RBFOX1: variants seen among roughly 807,000 people sequenced by gnomAD.
RBFOX1 encodes the protein RNA binding fox-1 homolog 1.
RBFOX1 carries 8 observed loss-of-function variants against 57.7 expected under a neutral mutation model. The observed-to-expected ratio is 0.14, with a 90% confidence interval of 0.08 to 0.25. The LOEUF is 0.25. Among genes scored for constraint, RBFOX1 ranks in the 10% least tolerant of loss-of-function variants. RBFOX1 has a pLI of 1.00. For synonymous variants in RBFOX1, 326 were observed against 222.4 expected (o/e 1.47, Z -4.15); for missense variants, 611 against 548.5 (o/e 1.11, Z -1.14).
rs138517936 is a variant in RBFOX1 at position 7,495,397 on chromosome 16, G to C, written c.28-22750G>C. ...AAGTTCTTTGAGAAATACTCAAACAGCTTTCCACAGTGGCTGAACTAATTT... is the reference window on the plus strand; with the variant it reads ...AAGTTCTTTGAGAAATACTCAAACACCTTTCCACAGTGGCTGAACTAATTT... On this transcript the variant is annotated intron_variant, in intron 4 of 15. Coordinates refer to ENST00000550418, the MANE Select transcript of RBFOX1 (RefSeq NM_018723.4). 7.0e-3 allele frequency among the ~76,000 whole-genome samples: 1,062 copies of C among 152,330 alleles called. 18 individuals are homozygous for C. The highest frequency in any genetic ancestry group is 0.025 in the African/African-American group (1,034 of 41,576).
intron 3 of RBFOX1, among the ~76,000 whole-genome samples, chr16:6,972,684 C>G (rs1443069543): frequency 6.6e-6 from 1 of 152,056 alleles, no homozygotes; most frequent in Non-Finnish European, 1.5e-5. Context: ...GAGTGGAGGG[C>G]TGGCCTTGAT....
At chr16:6,130,077 A>G (rs921468160) in intron 1 of RBFOX1, among the ~76,000 whole-genome samples, 1 of 152,176 alleles carries the variant, frequency 6.6e-6, no homozygotes, top group Non-Finnish European at 1.5e-5. Flanking sequence ...GCTCTGATAT[A>G]ATGAAGTAAA....
chr16:7,029,059 T>TATATACATATATATATATATATATATAC (rs1555788020), intron 3 of RBFOX1, among the ~76,000 whole-genome samples: 1 of 30,240 alleles, frequency 3.3e-5, no homozygotes, highest in Non-Finnish European at 5.0e-5. Context: ...TATATATATA[T>TATATACATATATATATATATATATATAC]ATATATATAT....
chr16:6,066,756 G>A (rs931106946), intron 1 of RBFOX1, among the ~76,000 whole-genome samples: 2 of 152,106 alleles, frequency 1.3e-5, no homozygotes, highest in East Asian at 1.9e-4. Context: ...TGCCGGGTAC[G>A]ATGTCAAGGA....
At chr16:7,313,553 G>A (rs2096369721) in intron 4 of RBFOX1, among the ~76,000 whole-genome samples, 1 of 149,668 alleles carries the variant, frequency 6.7e-6, no homozygotes, top group Non-Finnish European at 1.5e-5. Flanking sequence ...CAGCTTGTAA[G>A]ACCATTTAGG....
intron 4 of RBFOX1, among the ~76,000 whole-genome samples, chr16:6,010,249 A>C (rs1177284080): frequency 6.6e-6 from 1 of 152,160 alleles, no homozygotes; most frequent in Non-Finnish European, 1.5e-5. Flanking sequence ...GGAAGGCTGT[A>C]AGTGGTATAG....
intron 4 of RBFOX1, among the ~76,000 whole-genome samples, chr16:7,341,356 C>G (rs1272775299): frequency 6.6e-6 from 1 of 152,118 alleles, no homozygotes; most frequent in Admixed American, 6.5e-5. Context: ...CCATGAAACT[C>G]ATTCATTTAT....
At chr16:6,455,422 C>T (rs150803642) in intron 2 of RBFOX1, among the ~76,000 whole-genome samples, 7 of 152,288 alleles carry the variant, frequency 4.6e-5, no homozygotes, top group African/African-American at 1.7e-4. Context: ...ATTTCCTCTA[C>T]ACCCAACCTT....
intron 1 of RBFOX1, among the ~76,000 whole-genome samples, chr16:5,278,433 A>G (rs1471745047): frequency 1.3e-5 from 2 of 152,216 alleles, no homozygotes; most frequent in African/African-American, 4.8e-5. Flanking sequence ...CTCTTTGCCC[A>G]TCACTATGTA....
At chr16:5,880,862 A>T (rs8045586) in intron 4 of RBFOX1, among the ~76,000 whole-genome samples, 60,053 of 152,104 alleles carry the variant, frequency 0.39, 12,295 homozygotes, top group African/African-American at 0.5. Flanking sequence ...ATTCAGTCAA[A>T]TCTTTGCTTT....
chr16:5,681,389 CTTTTTTT>C (rs1003773008), intron 3 of RBFOX1, among the ~76,000 whole-genome samples: 7 of 126,526 alleles, frequency 5.5e-5, no homozygotes, highest in Non-Finnish European at 1.0e-4. Flanking sequence ...CAGCTTTTTT[CTTTTTTT>C]TTTTTTTTTG....
chr16:6,906,379 C>T (rs571885139), intron 3 of RBFOX1, among the ~76,000 whole-genome samples: 2 of 151,960 alleles, frequency 1.3e-5, no homozygotes, highest in African/African-American at 4.8e-5. Flanking sequence ...AACACCGAAA[C>T]TCATAAAAAA....
chr16:6,020,093 C>T (rs1057435406), intron 1 of RBFOX1, 101 bp downstream of exon 1: 3 of 1,269,066 alleles, frequency 2.4e-6, no homozygotes, highest in Non-Finnish European at 3.1e-6. Context: ...GAGAACTGGC[C>T]TCCTCCTAGC....
intron 2 of RBFOX1, among the ~76,000 whole-genome samples, chr16:6,562,888 T>TTCTTTCTTTC: frequency 1.2e-4 from 11 of 90,884 alleles, no homozygotes; most frequent in African/African-American, 3.9e-4. Flanking sequence ...TTCTTTTTTT[T>TTCTTTCTTTC]TTTTTTTTTT....
At chr16:6,148,810 C>T (rs1318126049) in intron 1 of RBFOX1, among the ~76,000 whole-genome samples, 2 of 152,124 alleles carry the variant, frequency 1.3e-5, no homozygotes, top group African/African-American at 2.4e-5. Context: ...GATGTTTTCC[C>T]TAGAGATTTG....
chr16:6,693,957 A>G (rs368201682), intron 3 of RBFOX1, among the ~76,000 whole-genome samples: 15 of 152,368 alleles, frequency 9.8e-5, no homozygotes, highest in African/African-American at 2.2e-4. Flanking sequence ...TATTTCTCCT[A>G]TTTTACAGAT....
At chr16:6,215,950 G>A (rs180793124) in intron 1 of RBFOX1, among the ~76,000 whole-genome samples, 11 of 152,268 alleles carry the variant, frequency 7.2e-5, no homozygotes, top group Non-Finnish European at 1.5e-4. Flanking sequence ...GATCACAGCC[G>A]TAAAAAGAAT....
intron 2 of RBFOX1, among the ~76,000 whole-genome samples, chr16:6,474,520 A>G (rs1310776236): frequency 1.3e-5 from 2 of 152,204 alleles, no homozygotes; most frequent in Non-Finnish European, 1.5e-5. Context: ...GCCACCAGCC[A>G]CTTATGTTAA....
At position 5,947,474 on chromosome 16, in the gene RBFOX1, T is replaced by C. The variant is rs1162761801; in HGVS notation, c.351+80139T>C. 6.6e-6 allele frequency among the ~76,000 whole-genome samples: 1 copy of C among 152,178 alleles called. No homozygotes were observed. The highest frequency in any genetic ancestry group is 1.5e-5 in the Non-Finnish European group (1 of 68,036). On this transcript the variant is annotated intron_variant, in intron 4 of 19. Transcript: ENST00000641259. The surrounding 1 kb of genome is among the most constrained non-coding windows in gnomAD (Gnocchi z 7.2). ...CCTCGAAATCTTGTGCTCAAGCCAT[T>C]TTCCTGCCTCTGCCAGTTTTTAAAA...
Sources: gnomAD v4.1 joint callset for allele counts (sites outside exome capture counted in the v4.1 genomes callset) on GRCh38, gnomAD v4.1.1 for gene constraint, Gnocchi (gnomAD v3.1) non-coding constraint, MANE v1.5 for transcripts, NCBI Gene and HGNC (gene_info 2026-07-23, HGNC 2026-07-21) for gene names.